Variants in BIN1 observed in about 807,000 individuals in gnomAD.
The protein encoded by BIN1 is bridging integrator 1, also known as myc box-dependent-interacting protein 1.
BIN1 carries 53 observed loss-of-function variants against 82.0 expected under a neutral mutation model. The observed-to-expected ratio is 0.65, with a 90% CI of 0.52 to 0.81. The LOEUF is 0.81. Ranked by LOEUF, BIN1 falls within the 40% of genes least tolerant of loss-of-function variation. The pLI, the probability that BIN1 is intolerant of heterozygous loss-of-function variation, is 0.00. For synonymous variants in BIN1, 302 were observed against 328.0 expected (o/e 0.92, Z 0.86); for missense variants, 642 against 784.4 (o/e 0.82, Z 2.17).
intron 1 of BIN1, among the ~76,000 whole-genome samples, chr2:127,079,592 G>A (rs1406426910): frequency 1.3e-5 from 2 of 152,222 alleles, no homozygotes; most frequent in African/African-American, 4.8e-5. Flanking sequence ...AACTGTCCCT[G>A]ATCTCTCCTT....
intron 1 of BIN1, among the ~76,000 whole-genome samples, chr2:127,096,514 G>A (rs935780533): frequency 2.6e-5 from 4 of 152,280 alleles, no homozygotes; most frequent in African/African-American, 9.6e-5. Context: ...ACACAGCGGG[G>A]GAGCAGCCCC....
intron 9 of BIN1, 96 bp from the exon 10 acceptor site, chr2:127,062,293 C>T: frequency 8.1e-7 from 1 of 1,228,860 alleles, no homozygotes; most frequent in Non-Finnish European, 1.2e-6. Flanking sequence ...CACCCCCAGC[C>T]CCTGCCAGGA....
intron 12 of BIN1, chr2:127,056,473 C>T (rs1683685316): frequency 6.6e-6 from 1 of 152,508 alleles, no homozygotes; most frequent in African/African-American, 2.4e-5. Flanking sequence ...CCAACCCTTC[C>T]TAGCAGCGAC....
At chr2:127,087,612 G>C (rs1678349573) in intron 1 of BIN1, among the ~76,000 whole-genome samples, 1 of 152,220 alleles carries the variant, frequency 6.6e-6, no homozygotes, top group African/African-American at 2.4e-5. Context: ...GGCGGGGCTG[G>C]ACCAGCCAAG....
rs1163498945 is a variant in BIN1 at position 127,076,630 on chromosome 2, T to C, written c.161A>G (p.Gln54Arg). Residue 54 changes from glutamine (Q) to arginine (R), a missense_variant, in exon 2 of 19, where the codon CAG becomes CGG. Physicochemically the swap from Gln to Arg is conservative, Grantham distance 43 (BLOSUM62 1). Transcript: ENST00000316724. The part of the protein sequence containing the change: ...FEQCVQNFNK[Q>R]LTEGTRLQKD... ...CCAAGGGCCACCCACACTCACCAGC[T>C]GCTTGTTGAAATTCTGGACGCACTG... The C allele has an allele frequency of 6.2e-7, 1 of 1,614,040 alleles. No individual in the cohort carries two copies. The highest frequency in any genetic ancestry group is 8.5e-7 in the Non-Finnish European group (1 of 1,180,038).
intron 1 of BIN1, among the ~76,000 whole-genome samples, chr2:127,086,511 CTTT>C (rs34507663): frequency 7.0e-6 from 1 of 142,346 alleles, no homozygotes; most frequent in Non-Finnish European, 1.5e-5. Flanking sequence ...ATCTTTTTTT[CTTT>C]TTTTTTTTTT....
rs1002884311 is a variant in BIN1, at chr2:127,062,282, C to A, written c.775-85G>T. On this transcript the variant is annotated intron_variant, in intron 9 of 18. Transcript: ENST00000316724. ...CCCCAAACACCTCTGCTTCTCCCCACCACCCCCAGCCCCTGCCAGGAACAA... is the reference window on the plus strand; with the variant it reads ...CCCCAAACACCTCTGCTTCTCCCCAACACCCCCAGCCCCTGCCAGGAACAA... 5 of 1,286,838 alleles carry A rather than the reference C, an allele frequency of 3.9e-6. No homozygotes were observed. The African/African-American group carries it at 5.9e-5, about 15-fold the overall frequency. 79.7% of individuals were successfully genotyped at this position (1,286,838 alleles called of 1,614,324 possible).
At chr2:127,097,215 T>C (rs937146117) in intron 1 of BIN1, among the ~76,000 whole-genome samples, 6 of 152,248 alleles carry the variant, frequency 3.9e-5, no homozygotes, top group African/African-American at 1.4e-4. Flanking sequence ...GGGCCGTGCA[T>C]ACAGGGGCGC....
intron 1 of BIN1, among the ~76,000 whole-genome samples, chr2:127,105,094 T>TAC (rs1296212511): frequency 6.6e-6 from 1 of 152,170 alleles, no homozygotes; most frequent in African/African-American, 2.4e-5. Flanking sequence ...AGCTCAGTGA[T>TAC]ACATCACCAC....
At position 127,105,467 on chromosome 2, in the gene BIN1, C is replaced by CCCTCCTCCT. The variant is rs70985434; in HGVS notation, c.84+1384_84+1392dup. Among the ~76,000 whole-genome samples the CCCTCCTCCT allele has an allele frequency of 2.9e-3, 163 of 55,772 alleles. 2 individuals carry two copies. Among genetic ancestry groups the CCCTCCTCCT allele is most frequent in the African/African-American group, 7.7e-3 (140 of 18,142 alleles). The allele number at this position is 55,772 out of a possible 152,430, so 36.6% of individuals were successfully genotyped here. A position where few individuals can be genotyped will look rare whatever the true frequency, so the allele number is the denominator to read the frequency against. On this transcript the variant is annotated intron_variant, in intron 1 of 18. Transcript: ENST00000316724. Reference sequence around the variant, plus strand: ...AGCCAGCTATTCCTGGGGCTTTAATCCCTCCTCCTCCTCCTCCTCCTCCTC... The same window carrying CCCTCCTCCT: ...AGCCAGCTATTCCTGGGGCTTTAATCCCTCCTCCTCCTCCTCCTCCTCCTCCTCCTCCTC...
chr2:127,069,104 G>A, intron 5 of BIN1, 73 bp from the exon 6 acceptor site: 1 of 1,453,574 alleles, frequency 6.9e-7, no homozygotes, highest in South Asian at 1.1e-5. Flanking sequence ...GTGGATCCTG[G>A]AGGGACCCGC....
intron 1 of BIN1, chr2:127,081,702 G>T: frequency 4.9e-6 from 5 of 1,024,078 alleles, no homozygotes; most frequent in Non-Finnish European, 6.4e-6. Context: ...CCTCGTCCCT[G>T]CAGTGGCAGC....
At chr2:127,070,196 G>T in intron 4 of BIN1, 106 bp from the exon 5 acceptor site, 1 of 911,102 alleles carries the variant, frequency 1.1e-6, no homozygotes, top group Non-Finnish European at 1.8e-6. Context: ...TCACAGCTCA[G>T]TGGCTTCTCA....
chr2:127,054,103 G>T, intron 12 of BIN1, 91 bp from the exon 13 acceptor site: 1 of 1,035,872 alleles, frequency 9.7e-7, no homozygotes, highest in Non-Finnish European at 1.5e-6. Context: ...ACAGGCACAC[G>T]CGTGGACACA....
At position 127,068,856 on chromosome 2, in the gene BIN1, G is replaced by C. The variant is rs1039174382; in HGVS notation, c.519+68C>G. 1 of 1,451,876 alleles carries C rather than the reference G, an allele frequency of 6.9e-7. No individual in the cohort carries two copies. The highest frequency in any genetic ancestry group is 1.4e-5 in the African/African-American group (1 of 71,702). The allele number at this position is 1,451,876 out of a possible 1,614,324, so 89.9% of individuals were successfully genotyped here. On this transcript the variant is annotated intron_variant, in intron 6 of 18. Coordinates refer to ENST00000316724, the MANE Select transcript of BIN1 (RefSeq NM_139343.3). The surrounding 1 kb of genome is among the most constrained non-coding windows in gnomAD (Gnocchi z 4.9). ...CAGGCAGGAGGAAGCCTCCACCCTC[G>C]GGGTCCTAGACACCCGCCCTCTCTC...
At chr2:127,105,801 C>T (rs1336168149) in intron 1 of BIN1, among the ~76,000 whole-genome samples, 1 of 152,144 alleles carries the variant, frequency 6.6e-6, no homozygotes. Flanking sequence ...CCGGCGGCCG[C>T]GCAGCGGGTG....
chr2:127,092,954 G>T (rs1211670714), intron 1 of BIN1, among the ~76,000 whole-genome samples: 2 of 151,970 alleles, frequency 1.3e-5, no homozygotes, highest in Non-Finnish European at 2.9e-5. Context: ...ACAGTAAGGG[G>T]CTGAGCAGAC....
intron 2 of BIN1, among the ~76,000 whole-genome samples, chr2:127,075,162 T>C (rs1686423653): frequency 6.6e-6 from 1 of 152,240 alleles, no homozygotes; most frequent in Admixed American, 6.5e-5. Context: ...CCACACCAGC[T>C]ACATAGCCTT....
chr2:127,084,802 G>A (rs1484154488), intron 1 of BIN1, among the ~76,000 whole-genome samples: 1 of 152,166 alleles, frequency 6.6e-6, no homozygotes, highest in Middle Eastern at 3.2e-3. Flanking sequence ...GCTGCCCTCT[G>A]AGCCCATTGC....
Sources: gnomAD v4.1 joint callset for allele counts (sites outside exome capture counted in the v4.1 genomes callset) on GRCh38, gnomAD v4.1.1 for gene constraint, Gnocchi (gnomAD v3.1) non-coding constraint, MANE v1.5 for transcripts, NCBI Gene and HGNC (gene_info 2026-07-23, HGNC 2026-07-21) for gene names.